The following RNF214 variants were observed in gnomAD, a reference collection of about 807,000 sequenced individuals.
RNF214 encodes ring finger protein 214.
RNF214 carries 25 observed loss-of-function variants against 75.9 expected under a neutral mutation model. The observed-to-expected ratio is 0.33, with a 90% confidence interval of 0.24 to 0.46. The LOEUF is 0.46. Ranked by LOEUF, RNF214 falls within the 20% of genes least tolerant of loss-of-function variation. The probability of loss-of-function intolerance (pLI) is 1.00; values close to 1 mark genes in which losing one functional copy is unlikely to be tolerated. For synonymous variants in RNF214, 314 were observed against 308.8 expected (o/e 1.02, Z -0.18); for missense variants, 725 against 857.5 (o/e 0.85, Z 1.93).
intron 3 of RNF214, chr11:117,239,475 A>T (rs2033009957): frequency 2.2e-6 from 1 of 458,330 alleles, no homozygotes; most frequent in East Asian, 4.2e-5. Flanking sequence ...AGTACAGTGT[A>T]TCCTGCCTTC....
chr11:117,281,610 A>G lies in RNF214; in HGVS notation c.1247A>G (p.Asn416Ser). 2 of 1,611,248 alleles carry G rather than the reference A, an allele frequency of 1.2e-6. No individual in the cohort carries two copies. Among genetic ancestry groups the G allele is most frequent in the African/African-American group, 1.3e-5 (1 of 74,798 alleles). Residue 416 changes from asparagine (N) to serine (S), a missense_variant, in exon 10 of 15, where the codon AAT becomes AGT. This residue lies in a region of RNF214 where 363 missense variants were observed against 513.0 expected (regional missense o/e 0.71). Coordinates refer to ENST00000300650, the MANE Select transcript of RNF214 (RefSeq NM_207343.4). Reference protein sequence around the residue: ...IMKKNVRDQFNSHIQLVRNGA... With the variant: ...IMKKNVRDQFSSHIQLVRNGA... ...CCTTTTTTTTTTTAGGACCAATTTA[A>G]TAGTCATATCCAGTTAGTGAGGAAC...
At chr11:117,238,542 T>C in intron 2 of RNF214, 59 bp from the exon 3 acceptor site, 1 of 1,449,790 alleles carries the variant, frequency 6.9e-7, no homozygotes. Flanking sequence ...AGTTTTGTTC[T>C]TCTAGTAGTT....
At chr11:117,244,645 A>AT (rs1473555877) in intron 5 of RNF214, 60 bp downstream of exon 5, 2 of 1,318,508 alleles carry the variant, frequency 1.5e-6, no homozygotes, top group Non-Finnish European at 1.0e-6. Context: ...TCAAACTTTA[A>AT]TTTTTTAAAA....
chr11:117,235,158 AT>A (rs1382399607), intron 2 of RNF214, among the ~76,000 whole-genome samples: 5 of 152,100 alleles, frequency 3.3e-5, no homozygotes, highest in Non-Finnish European at 5.9e-5. Flanking sequence ...CAACCATCCA[AT>A]TTTTTTCTGA....
At chr11:117,236,515 G>A (rs1178142193) in intron 2 of RNF214, among the ~76,000 whole-genome samples, 2 of 151,936 alleles carry the variant, frequency 1.3e-5, no homozygotes, top group East Asian at 1.9e-4. Flanking sequence ...CTTGTGATCC[G>A]CCCGCCTCAG....
intron 6 of RNF214, among the ~76,000 whole-genome samples, chr11:117,262,044 C>CT (rs1471891606): frequency 1.4e-5 from 2 of 147,884 alleles, no homozygotes; most frequent in Non-Finnish European, 3.0e-5. Context: ...AAATTTGTGT[C>CT]TGTTTTTTTT....
At chr11:117,250,610 T>TTTATTA (rs1555053707) in intron 6 of RNF214, among the ~76,000 whole-genome samples, 8 of 133,650 alleles carry the variant, frequency 6.0e-5, no homozygotes, top group Middle Eastern at 3.9e-3. Flanking sequence ...TATTTATTTA[T>TTTATTA]TTTTTTTTTA....
chr11:117,266,967 G>A (rs1462316712), intron 6 of RNF214, among the ~76,000 whole-genome samples: 1 of 106,026 alleles, frequency 9.4e-6, no homozygotes, highest in Non-Finnish European at 1.8e-5. Context: ...CAATTCTCCT[G>A]CCTCACAAAA....
chr11:117,234,205 A>C, intron 1 of RNF214, 62 bp from the exon 2 acceptor site: 7 of 1,164,154 alleles, frequency 6.0e-6, no homozygotes, highest in African/African-American at 3.0e-5. Context: ...CTGAGGGGGG[A>C]GAGATACATT....
intron 6 of RNF214, among the ~76,000 whole-genome samples, chr11:117,274,356 CTTTTTTTTT>C (rs11461326): frequency 1.3e-5 from 1 of 79,476 alleles, no homozygotes; most frequent in Non-Finnish European, 2.2e-5. Flanking sequence ...CAAATGACTT[CTTTTTTTTT>C]TTTTTTTTTT....
Position 117,264,740 on chromosome 11 carries a change from CCTTT to C in RNF214, c.960-15165_960-15162del, listed in dbSNP as rs2033756498. Among the ~76,000 whole-genome samples, 3 of 152,008 alleles carry C rather than the reference CCTTT, an allele frequency of 2.0e-5. No homozygotes were observed. In the South Asian group the frequency reaches 6.2e-4, roughly 32 times the overall value. On this transcript the variant is annotated intron_variant, in intron 6 of 14. Coordinates refer to ENST00000300650, the MANE Select transcript of RNF214 (RefSeq NM_207343.4). ...TGTTTTTCAATCCTTTCCCCTTCAGCCTTTCTATGTTTCTGTATGCTTTGTAGAC... is the reference window on the plus strand; with the variant it reads ...TGTTTTTCAATCCTTTCCCCTTCAGCCTATGTTTCTGTATGCTTTGTAGAC...
chr11:117,255,056 C>G (rs953807903), intron 6 of RNF214, among the ~76,000 whole-genome samples: 1 of 152,142 alleles, frequency 6.6e-6, no homozygotes, highest in African/African-American at 2.4e-5. Context: ...TTAGTAGAGA[C>G]AAGGTTTCAC....
Position 117,285,260 on chromosome 11 carries a change from A to T in RNF214, c.*109A>T, listed in dbSNP as rs2034230053. 1.4e-6 allele frequency: 1 copy of T among 730,974 alleles called. No homozygotes were observed. 45.3% of individuals were successfully genotyped at this position (730,974 alleles called of 1,614,324 possible). A position where few individuals can be genotyped will look rare whatever the true frequency, so the allele number is the denominator to read the frequency against. ...ACAGTGACATATACTCATGCCATGT[A>T]CATTTTTATTATATAGGTAATGTGT... On this transcript the variant is annotated 3_prime_UTR_variant, in exon 15 of 15. Coordinates refer to ENST00000300650, the MANE Select transcript of RNF214 (RefSeq NM_207343.4).
At chr11:117,263,286 CTT>C (rs1219811254) in intron 6 of RNF214, among the ~76,000 whole-genome samples, 4 of 135,764 alleles carry the variant, frequency 2.9e-5, no homozygotes, top group South Asian at 2.5e-4. Flanking sequence ...GAAAAAAAAA[CTT>C]TTTTTTTTTT....
intron 6 of RNF214, among the ~76,000 whole-genome samples, chr11:117,248,111 T>C (rs2033275996): frequency 6.6e-6 from 1 of 152,186 alleles, no homozygotes; most frequent in South Asian, 2.1e-4. Context: ...AGTCTTGCTC[T>C]GTTCCCCAGG....
intron 6 of RNF214, among the ~76,000 whole-genome samples, chr11:117,271,378 C>G (rs949132772): frequency 1.3e-5 from 2 of 152,206 alleles, no homozygotes; most frequent in Non-Finnish European, 2.9e-5. Context: ...CATTTGCCGT[C>G]CCTGTGCTGC....
At position 117,282,854 on chromosome 11, in the gene RNF214, A is replaced by G; in HGVS notation, c.1950+4A>G. 1 of 1,603,516 alleles carries G rather than the reference A, an allele frequency of 6.2e-7. No individual in the cohort carries two copies. Among genetic ancestry groups the G allele is most frequent in the Non-Finnish European group, 8.5e-7 (1 of 1,170,378 alleles). On this transcript the variant is annotated splice_donor_region_variant and intron_variant, in intron 13 of 14. Transcript: ENST00000300650. The stretch of plus-strand genomic sequence containing the variant: ...ATATCCTGGAAGGTCTTCACATGTA[A>G]GACTCTTTTTCTTTGAACACTGTGA...
intron 4 of RNF214, among the ~76,000 whole-genome samples, chr11:117,242,836 AGAGT>A (rs369911790): frequency 0.011 from 1,604 of 152,358 alleles, 11 homozygotes; most frequent in Middle Eastern, 0.037. Context: ...CCTGGGCGAC[AGAGT>A]GAGACTCTGT....
At chr11:117,251,708 G>A (rs2033398176) in intron 6 of RNF214, among the ~76,000 whole-genome samples, 2 of 152,182 alleles carry the variant, frequency 1.3e-5, no homozygotes, top group Admixed American at 1.3e-4. Context: ...TCAGAGATGT[G>A]AGAGAAAAGC....
Sources: allele counts gnomAD v4.1 joint callset (sites outside exome capture counted in the v4.1 genomes callset), GRCh38; gene constraint gnomAD v4.1.1; regional missense constraint gnomAD v4.1.1; transcripts MANE v1.5; gene names NCBI Gene and HGNC (gene_info 2026-07-23, HGNC 2026-07-21).